Variants in DNAJA3 observed in about 807,000 individuals in gnomAD.
DNAJA3 encodes DnaJ heat shock protein family (Hsp40) member A3, also known as dnaJ homolog subfamily A member 3, mitochondrial.
DNAJA3 carries 29 observed loss-of-function variants against 54.9 expected under a neutral mutation model. That is an observed-to-expected ratio of 0.53 (90% confidence interval 0.39 to 0.72). DNAJA3 has a LOEUF of 0.72. Among genes scored for constraint, DNAJA3 ranks in the 30% least tolerant of loss-of-function variants. DNAJA3 has a pLI of 0.00. For synonymous variants in DNAJA3, 302 were observed against 251.4 expected (o/e 1.20, Z -1.90); for missense variants, 708 against 639.4 (o/e 1.11, Z -1.16).
At position 4,437,599 on chromosome 16, in the gene DNAJA3, G is replaced by A. The variant is rs1044006527; in HGVS notation, c.429+114G>A. ...TCATACAGTCCAGTGTGAAGGCCATGTCCCTGCGCCAAGTAATCTTGTTAA... is the reference window on the plus strand; with the variant it reads ...TCATACAGTCCAGTGTGAAGGCCATATCCCTGCGCCAAGTAATCTTGTTAA... On this transcript the variant is annotated intron_variant, in intron 3 of 11. Transcript: ENST00000262375. 11 of 759,342 alleles carry A rather than the reference G, an allele frequency of 1.4e-5. No homozygotes were observed. The African/African-American group carries it at 2.0e-4, about 14-fold the overall frequency. 47.0% of individuals were successfully genotyped at this position (759,342 alleles called of 1,614,324 possible).
Position 4,426,001 on chromosome 16 carries a change from C to T in DNAJA3, c.120C>T (p.Ser40=), listed in dbSNP as rs373577814. 2 of 1,603,776 alleles carry T rather than the reference C, an allele frequency of 1.2e-6. No homozygotes were observed. The highest frequency in any genetic ancestry group is 1.3e-5 in the African/African-American group (1 of 74,388). ...PREGVVGAWL[S]RKLSVPAFAS... is the part of the protein sequence containing the mutation. ...AGGGCGTGGTGGGGGCATGGCTGAG[C>T]CGCAAGCTGAGCGTCCCCGCCTTTG... Residue 40 remains serine, a synonymous_variant, in exon 1 of 12, where the codon AGC becomes AGT. Coordinates refer to ENST00000262375, the MANE Select transcript of DNAJA3 (RefSeq NM_005147.6).
intron 10 of DNAJA3, 72 bp downstream of exon 10, chr16:4,450,569 C>A (rs1009633545): frequency 2.5e-6 from 3 of 1,213,192 alleles, no homozygotes; most frequent in Non-Finnish European, 3.5e-6. Flanking sequence ...CAATTCAGGG[C>A]AGCATGTTGG....
At chr16:4,444,600 C>T (rs1028504483) in intron 6 of DNAJA3, 64 bp from the exon 7 acceptor site, 2 of 1,452,782 alleles carry the variant, frequency 1.4e-6, no homozygotes, top group South Asian at 1.1e-5. Context: ...TCCCAAAGTG[C>T]TGGGATTACA....
intron 3 of DNAJA3, among the ~76,000 whole-genome samples, chr16:4,438,849 A>C (rs1188095896): frequency 1.3e-5 from 2 of 151,996 alleles, no homozygotes; most frequent in Admixed American, 1.3e-4. Flanking sequence ...AGCCACGTAG[A>C]AGAACAGGCT....
chr16:4,431,125 C>T (rs2056694606), intron 1 of DNAJA3: 1 of 152,192 alleles, frequency 6.6e-6, no homozygotes, highest in Non-Finnish European at 1.5e-5. Flanking sequence ...GCGTTACTAT[C>T]TCTGTACTAA....
rs773642896 is a variant in DNAJA3 at position 4,437,389 on chromosome 16, G to A, written c.346-13G>A. On this transcript the variant is annotated splice_polypyrimidine_tract_variant and intron_variant, in intron 2 of 11. Transcript: ENST00000262375. ...CATTGTATCTGGAGTAATTTATCATGTTTTTCCCTTAGCTTGCCAAGAAGT... is the reference window on the plus strand; with the variant it reads ...CATTGTATCTGGAGTAATTTATCATATTTTTCCCTTAGCTTGCCAAGAAGT... 1.6e-5 allele frequency: 26 copies of A among 1,612,474 alleles called. No individual in the cohort carries two copies. Among genetic ancestry groups the A allele is most frequent in the Non-Finnish European group, 2.1e-5 (25 of 1,178,640 alleles).
At chr16:4,439,023 A>T (rs569811327) in intron 3 of DNAJA3, among the ~76,000 whole-genome samples, 1 of 148,840 alleles carries the variant, frequency 6.7e-6, no homozygotes, top group African/African-American at 2.5e-5. Flanking sequence ...GATAAGATTA[A>T]TTTTTTTTTT....
At chr16:4,431,583 CT>C (rs748961257) in intron 1 of DNAJA3, 4,020 of 145,040 alleles carry the variant, frequency 0.028, 84 homozygotes, top group Middle Eastern at 0.052. Context: ...AGTTGTTTCT[CT>C]TTTTTTTTTT....
chr16:4,427,306 AAATGGT>A (rs2056636781), intron 1 of DNAJA3: 1 of 152,206 alleles, frequency 6.6e-6, no homozygotes, highest in Admixed American at 6.5e-5. Context: ...GAATTTGTGC[AAATGGT>A]ATTTAAGCTA....
Position 4,452,672 on chromosome 16 carries a change from G to A in DNAJA3, c.1340-2139G>A, listed in dbSNP as rs532914706. On this transcript the variant is annotated intron_variant, in intron 10 of 11. Coordinates refer to ENST00000262375, the MANE Select transcript of DNAJA3 (RefSeq NM_005147.6). ...ACCTATAATCCCAGCACTTTGGGCG[G>A]CTAATGCAGGAAGATCACTTGAACC... Among the ~76,000 whole-genome samples the A allele has an allele frequency of 2.0e-5, 3 of 152,256 alleles. No individual in the cohort carries two copies. The East Asian group carries it at 5.8e-4, about 29-fold the overall frequency.
intron 4 of DNAJA3, among the ~76,000 whole-genome samples, chr16:4,442,063 A>G (rs767309694): frequency 1.1e-4 from 16 of 152,174 alleles, no homozygotes; most frequent in Non-Finnish European, 1.9e-4. Flanking sequence ...CATTTAAGTC[A>G]TACATTATCT....
chr16:4,455,710 G>C lies in DNAJA3; in HGVS notation c.*178G>C. The stretch of plus-strand genomic sequence containing the variant: ...TCATGGGACAACACCTCTCTCCACG[G>C]AAAGGTCACAGTGGACAGCCCGGGC... On this transcript the variant is annotated 3_prime_UTR_variant, in exon 12 of 12. Coordinates refer to ENST00000262375, the MANE Select transcript of DNAJA3 (RefSeq NM_005147.6). 1 of 969,280 alleles carries C rather than the reference G, an allele frequency of 1.0e-6. No individual in the cohort carries two copies. 60.0% of individuals were successfully genotyped at this position (969,280 alleles called of 1,614,324 possible).
intron 1 of DNAJA3, chr16:4,431,765 A>G (rs1249367948): frequency 1.3e-5 from 2 of 151,880 alleles, no homozygotes; most frequent in African/African-American, 2.4e-5. Context: ...TTTAGTAGAG[A>G]CAAGATTTCA....
At chr16:4,454,745 G>T (rs2057015644) in intron 10 of DNAJA3, 66 bp from the exon 11 acceptor site, 2 of 1,270,694 alleles carry the variant, frequency 1.6e-6, no homozygotes, top group Admixed American at 3.9e-5. Flanking sequence ...GGGGTAGGTG[G>T]GCCCTGGGAT....
rs1555487957 is a variant in DNAJA3, at chr16:4,445,917, C to CTTTTTTTTTTTTTTTT, written c.997-961_997-960insTTTTTTTTTTTTTTTT. On this transcript the variant is annotated intron_variant, in intron 7 of 11. Transcript: ENST00000262375. ...TGCTTGTTATATTATTTACTCTTCCCTTTTTTTTCTTTTTTTTTTCTGGAA... is the reference window on the plus strand; with the variant it reads ...TGCTTGTTATATTATTTACTCTTCCCTTTTTTTTTTTTTTTTTTTTTTTTCTTTTTTTTTTCTGGAA... Among the ~76,000 whole-genome samples, 2 of 149,270 alleles carry CTTTTTTTTTTTTTTTT rather than the reference C, an allele frequency of 1.3e-5. 1 individual carries two copies.
intron 1 of DNAJA3, among the ~76,000 whole-genome samples, chr16:4,428,477 A>G (rs1281279541): frequency 6.6e-5 from 10 of 152,240 alleles, no homozygotes; most frequent in Non-Finnish European, 1.3e-4. Context: ...TCATTCAAAT[A>G]TTAATCCTTA....
chr16:4,440,966 C>T (rs541746865), intron 3 of DNAJA3: 109 of 195,242 alleles, frequency 5.6e-4, no homozygotes, highest in African/African-American at 2.0e-3. Flanking sequence ...TCTGTTACTC[C>T]GGTTGTTCTG....
At chr16:4,446,007 C>T (rs1368100403) in intron 7 of DNAJA3, among the ~76,000 whole-genome samples, 2 of 150,756 alleles carry the variant, frequency 1.3e-5, no homozygotes, top group Non-Finnish European at 3.0e-5. Flanking sequence ...CTGCAACCTC[C>T]ACCTCCCAGG....
rs1420864653 is a variant in DNAJA3 at position 4,442,385 on chromosome 16, G to T, written c.748G>T (p.Val250Leu). 1 of 1,608,702 alleles carries T rather than the reference G, an allele frequency of 6.2e-7. No individual in the cohort carries two copies. The highest frequency in any genetic ancestry group is 2.2e-5 in the East Asian group (1 of 44,558). The change falls in exon 5 of 12, where the codon GTG becomes TTG. Residue 250 changes from valine to leucine, a missense_variant. Physicochemically the swap from Val to Leu is conservative, Grantham distance 32. Transcript: ENST00000262375. Reference sequence around the variant, plus strand: ...CAAGGGGAACGAGCCCGGCACCAAGGTGCAGCATTGCCACTACTGTGGCGG... The same window carrying T: ...CAAGGGGAACGAGCCCGGCACCAAGTTGCAGCATTGCCACTACTGTGGCGG... The part of the protein sequence containing the change: ...NGKGNEPGTK[V>L]QHCHYCGGSG...
Sources: allele counts gnomAD v4.1 joint callset (sites outside exome capture counted in the v4.1 genomes callset), GRCh38; gene constraint gnomAD v4.1.1; transcripts MANE v1.5; gene names NCBI Gene and HGNC (gene_info 2026-07-23, HGNC 2026-07-21).